The following ABLIM1 variants were observed in gnomAD, a reference collection of about 807,000 sequenced individuals.
The protein encoded by ABLIM1 is actin binding LIM protein 1.
In ABLIM1, 40 loss-of-function variants were observed where a neutral mutation model predicts 107.0. The ratio of observed to expected loss-of-function variants is 0.37; its 90% CI spans 0.29 to 0.49. The LOEUF (loss-of-function observed/expected upper bound fraction) is 0.49. Among genes scored for constraint, ABLIM1 ranks in the 20% least tolerant of loss-of-function variants. ABLIM1 has a pLI of 0.97. For missense variants in ABLIM1, 857 were observed against 1,008.5 expected (o/e 0.85, Z 2.04); for synonymous variants, 357 against 357.3 (o/e 1.00, Z 0.01).
At chr10:114,654,878 C>A (rs2079427477) in intron 1 of ABLIM1, among the ~76,000 whole-genome samples, 2 of 152,212 alleles carry the variant, frequency 1.3e-5, no homozygotes, top group African/African-American at 4.8e-5. Flanking sequence ...TTTCTTGGGG[C>A]CCTGGAGCTG....
chr10:114,673,758 G>A (rs2080359255), intron 1 of ABLIM1, among the ~76,000 whole-genome samples: 1 of 152,226 alleles, frequency 6.6e-6, no homozygotes, highest in African/African-American at 2.4e-5. Context: ...CATCACATGA[G>A]GAGGGACCAT....
intron 6 of ABLIM1, among the ~76,000 whole-genome samples, chr10:114,528,176 C>A (rs2065059803): frequency 6.6e-6 from 1 of 152,030 alleles, no homozygotes; most frequent in African/African-American, 2.4e-5. Context: ...CACTATGTTG[C>A]CCAGGCTGGT....
At chr10:114,736,079 C>CTA in intron 1 of ABLIM1, among the ~76,000 whole-genome samples, 1 of 152,064 alleles carries the variant, frequency 6.6e-6, no homozygotes, top group Non-Finnish European at 1.5e-5. Context: ...GTAATGTACC[C>CTA]CCAAAAGAGA....
chr10:114,690,230 A>T (rs186678867), intron 1 of ABLIM1: 1 of 1,470,654 alleles, frequency 6.8e-7, no homozygotes, highest in East Asian at 2.3e-5. Flanking sequence ...CCTCCACAAT[A>T]TTTATGCCTT....
intron 1 of ABLIM1, among the ~76,000 whole-genome samples, chr10:114,760,899 G>A (rs2142587730): frequency 6.6e-6 from 1 of 152,278 alleles, no homozygotes; most frequent in East Asian, 1.9e-4. Context: ...GAAATGTAGT[G>A]TTTTGCTGTT....
rs946304941 is a variant in ABLIM1 at position 114,437,996 on chromosome 10, G to A, written c.2143-72C>T. 16 of 1,394,382 alleles carry A rather than the reference G, an allele frequency of 1.1e-5. No individual in the cohort carries two copies. The East Asian group carries it at 1.4e-4, about 12-fold the overall frequency. The allele number at this position is 1,394,382 out of a possible 1,614,324, so 86.4% of individuals were successfully genotyped here. The stretch of plus-strand genomic sequence containing the variant: ...ATTAACAAGCAGAATCCACCTAAAC[G>A]CTAGTACTCCCAAGATAGAGCTTCC... On this transcript the variant is annotated intron_variant, in intron 21 of 22. Coordinates refer to ENST00000533213, the MANE Select transcript of ABLIM1 (RefSeq NM_002313.7).
At chr10:114,487,874 C>T in intron 8 of ABLIM1, 84 bp downstream of exon 8, 1 of 1,535,412 alleles carries the variant, frequency 6.5e-7, no homozygotes, top group Non-Finnish European at 9.0e-7. Flanking sequence ...AGTAATTTCA[C>T]CTAAACCCTA....
chr10:114,710,252 T>C (rs1388607264), intron 1 of ABLIM1, among the ~76,000 whole-genome samples: 3 of 152,220 alleles, frequency 2.0e-5, no homozygotes, highest in African/African-American at 7.2e-5. Flanking sequence ...AATCCCATTG[T>C]ATTAATCTGT....
At chr10:114,650,334 A>G (rs2079188400) in intron 1 of ABLIM1, among the ~76,000 whole-genome samples, 1 of 152,194 alleles carries the variant, frequency 6.6e-6, no homozygotes, top group Non-Finnish European at 1.5e-5. Context: ...AAAGTAAGCC[A>G]CTCTTAGTAA....
chr10:114,580,842 T>C (rs1016326524), intron 2 of ABLIM1, among the ~76,000 whole-genome samples: 8 of 152,202 alleles, frequency 5.3e-5, no homozygotes, highest in Admixed American at 5.2e-4. Context: ...TATTTAGATT[T>C]TTACTTTGGG....
chr10:114,718,525 G>A (rs902184376), intron 1 of ABLIM1, among the ~76,000 whole-genome samples: 10 of 152,148 alleles, frequency 6.6e-5, no homozygotes, highest in Admixed American at 2.0e-4. Context: ...TGATTCAGGC[G>A]GGGTGATTAA....
At chr10:114,604,361 TTA>T (rs541884967) in intron 1 of ABLIM1, among the ~76,000 whole-genome samples, 73 of 152,358 alleles carry the variant, frequency 4.8e-4, no homozygotes, top group African/African-American at 1.7e-3. Flanking sequence ...TGCCTCTAAT[TTA>T]TATGGCAAGT....
chr10:114,496,235 T>C (rs920383678), intron 6 of ABLIM1, among the ~76,000 whole-genome samples: 1 of 152,206 alleles, frequency 6.6e-6, no homozygotes, highest in Non-Finnish European at 1.5e-5. Context: ...GGAAGTTACA[T>C]CAAGGCCCCA....
At chr10:114,658,291 T>A, upstream of ABLIM1, 2 of 1,512,634 alleles carry the variant, frequency 1.3e-6, no homozygotes, top group South Asian at 2.7e-5. Flanking sequence ...CCTGGCTCCT[T>A]ACTGTCTCCT....
intron 3 of ABLIM1, among the ~76,000 whole-genome samples, chr10:114,573,944 A>C (rs565504015): frequency 5.6e-4 from 85 of 152,330 alleles, no homozygotes; most frequent in African/African-American, 1.9e-3. Flanking sequence ...ATACAGAAAA[A>C]TATTCAGTTC....
At chr10:114,479,445 G>T (rs1005402697) in intron 8 of ABLIM1, among the ~76,000 whole-genome samples, 2 of 152,156 alleles carry the variant, frequency 1.3e-5, no homozygotes, top group Admixed American at 1.3e-4. Flanking sequence ...CAGCAGTCCC[G>T]CCAGGAGCTG....
At chr10:114,499,094 T>C (rs1395243094) in intron 6 of ABLIM1, among the ~76,000 whole-genome samples, 1 of 152,178 alleles carries the variant, frequency 6.6e-6, no homozygotes, top group Non-Finnish European at 1.5e-5. Context: ...AGAACCCAGG[T>C]AGCTGACTCA....
intron 1 of ABLIM1, among the ~76,000 whole-genome samples, chr10:114,669,740 G>T (rs2080171820): frequency 6.6e-6 from 1 of 152,140 alleles, no homozygotes; most frequent in Non-Finnish European, 1.5e-5. Context: ...CCTGCCTCAG[G>T]ATGAAGTGGG....
At chr10:114,800,639 A>G in the ABLIM1 span, among the ~76,000 whole-genome samples, 1 of 152,216 alleles carries the variant, frequency 6.6e-6, no homozygotes, top group Non-Finnish European at 1.5e-5. Context: ...AAGGCTGGGC[A>G]TGGTGGCTAA....
Sources: allele counts gnomAD v4.1 joint callset (sites outside exome capture counted in the v4.1 genomes callset), GRCh38; gene constraint gnomAD v4.1.1; transcripts MANE v1.5; gene names NCBI Gene and HGNC (gene_info 2026-07-23, HGNC 2026-07-21).